The following POMT2 variants were observed in gnomAD, a reference collection of about 807,000 sequenced individuals.
POMT2 encodes the protein protein O-mannosyl-transferase 2.
In POMT2, 75 loss-of-function variants were observed where a neutral mutation model predicts 100.0. The observed-to-expected ratio is 0.75, with a 90% CI of 0.62 to 0.91. The LOEUF (loss-of-function observed/expected upper bound fraction) is 0.91, where lower values mean the gene tolerates loss of function less well. Ranked by LOEUF, POMT2 falls within the 40% of genes least tolerant of loss-of-function variation. POMT2 has a pLI of 0.00. For missense variants in POMT2, 940 were observed against 955.1 expected (o/e 0.98, Z 0.21); for synonymous variants, 378 against 374.1 (o/e 1.01, Z -0.12).
chr14:77,320,570 C>A lies in POMT2; in HGVS notation c.112G>T (p.Val38Leu), dbSNP rs1182576498. 6.4e-7 allele frequency: 1 copy of A among 1,573,388 alleles called. No individual in the cohort carries two copies. The change falls in exon 1 of 21, where the codon GTG becomes TTG. Residue 38 changes from valine (V) to leucine (L), a missense_variant. Transcript: ENST00000261534. ...GCAGGCCGTTTGGGGCTTCGCGCCA[C>A]AGCCTCAGCGGCCACGTCCCGGCCT... ...AAGRDVAAEA[V>L]ARSPKRPAWG...
Position 77,298,764 on chromosome 14 carries a change from C to T in POMT2, c.931G>A (p.Gly311Ser). 1.9e-6 allele frequency: 3 copies of T among 1,612,660 alleles called. No homozygotes were observed. The highest frequency in any genetic ancestry group is 2.5e-6 in the Non-Finnish European group (3 of 1,179,322). Residue 311 changes from glycine to serine, a missense_variant, in exon 8 of 21, where the codon GGT (glycine) becomes AGT (serine). Coordinates refer to ENST00000261534, the MANE Select transcript of POMT2 (RefSeq NM_013382.7). The part of the protein sequence containing the change: ...HFMVLSKSGP[G>S]DGFFSSAFQA... Reference sequence around the variant, plus strand: ...AAGGCAGAACTGAAGAAACCGTCACCAGGGCCACTGTGGGGAGAGGAAGAG... The same window carrying T: ...AAGGCAGAACTGAAGAAACCGTCACTAGGGCCACTGTGGGGAGAGGAAGAG...
Position 77,304,893 on chromosome 14 carries a change from C to T in POMT2, c.439-93G>A, listed in dbSNP as rs113610213. On this transcript the variant is annotated intron_variant, in intron 3 of 20. Transcript: ENST00000261534. Reference sequence around the variant, plus strand: ...ACAACCTAACATTTAAGACAGGGGACCTGATGAAGGCATGACTTTGGTGAC... The same window carrying T: ...ACAACCTAACATTTAAGACAGGGGATCTGATGAAGGCATGACTTTGGTGAC... The T allele has an allele frequency of 1.2e-3, 1,876 of 1,533,802 alleles. 20 individuals are homozygous for T. In the African/African-American group the frequency reaches 0.021, roughly 17 times the overall value.
intron 10 of POMT2, among the ~76,000 whole-genome samples, chr14:77,290,844 T>C: frequency 6.6e-6 from 1 of 152,140 alleles, no homozygotes; most frequent in Admixed American, 6.5e-5. Flanking sequence ...GCCCCTCAGA[T>C]CAACTGACTG....
rs373901015 is a variant in POMT2, at chr14:77,299,405, G to A, written c.923+50C>T. 6.5e-6 allele frequency: 10 copies of A among 1,532,340 alleles called. 1 individual carries two copies. The highest frequency in any genetic ancestry group is 9.0e-6 in the Non-Finnish European group (10 of 1,107,350). 94.9% of individuals were successfully genotyped at this position (1,532,340 alleles called of 1,614,324 possible). On this transcript the variant is annotated intron_variant, in intron 7 of 20. Coordinates refer to ENST00000261534, the MANE Select transcript of POMT2 (RefSeq NM_013382.7). ...ATCATCCGACCCCTCCACAGGCTTAGGAGCAAAAGGAAAACCAGAAGCAAG... is the reference window on the plus strand; with the variant it reads ...ATCATCCGACCCCTCCACAGGCTTAAGAGCAAAAGGAAAACCAGAAGCAAG...
At chr14:77,306,283 G>C in intron 3 of POMT2, 54 bp downstream of exon 3, 1 of 1,604,094 alleles carries the variant, frequency 6.2e-7, no homozygotes, top group Non-Finnish European at 8.5e-7. Context: ...TAACATTTCT[G>C]GTTTAGTGTG....
At position 77,320,731 on chromosome 14, in the gene POMT2, A is replaced by G. The variant is rs775380759; in HGVS notation, c.-50T>C. ...CCGGCCCGGAGGCACACTTTGTCTGACCAGCCGCCCCGCCAAGGAGTCACA... is the reference window on the plus strand; with the variant it reads ...CCGGCCCGGAGGCACACTTTGTCTGGCCAGCCGCCCCGCCAAGGAGTCACA... On this transcript the variant is annotated 5_prime_UTR_variant, in exon 1 of 21. Coordinates refer to ENST00000261534, the MANE Select transcript of POMT2 (RefSeq NM_013382.7). 6.4e-6 allele frequency: 10 copies of G among 1,574,040 alleles called. No individual in the cohort carries two copies. The highest frequency in any genetic ancestry group is 2.3e-5 in the East Asian group (1 of 44,060).
At chr14:77,320,335 C>T in intron 1 of POMT2, 99 bp downstream of exon 1, 1 of 1,533,174 alleles carries the variant, frequency 6.5e-7, no homozygotes, top group Non-Finnish European at 8.7e-7. Context: ...CGTGGCCCTC[C>T]TCCTATAGAT....
intron 2 of POMT2, chr14:77,306,757 C>A (rs1891244446): frequency 2.0e-5 from 7 of 352,962 alleles, no homozygotes; most frequent in South Asian, 1.4e-4. Context: ...TCTGATTCCG[C>A]TTTCCTTCAG....
At chr14:77,288,324 G>A (rs1373199736) in intron 11 of POMT2, among the ~76,000 whole-genome samples, 2 of 152,158 alleles carry the variant, frequency 1.3e-5, no homozygotes, top group African/African-American at 4.8e-5. Context: ...AAGCTAGCTT[G>A]CCATATTCTC....
At chr14:77,299,687 GAGA>G in intron 6 of POMT2, 126 bp from the exon 7 acceptor site, 2 of 741,022 alleles carry the variant, frequency 2.7e-6, no homozygotes, top group Admixed American at 4.1e-5. Flanking sequence ...CAAGAGGAGA[GAGA>G]AGAATATGTG....
intron 2 of POMT2, among the ~76,000 whole-genome samples, 174 bp downstream of exon 2, chr14:77,311,775 C>T (rs549015342): frequency 1.3e-5 from 2 of 152,136 alleles, no homozygotes; most frequent in African/African-American, 2.4e-5. Context: ...CCCAGAGGAC[C>T]CTTAAAAAAC....
chr14:77,314,483 C>A (rs1891556719), intron 1 of POMT2, among the ~76,000 whole-genome samples: 1 of 152,092 alleles, frequency 6.6e-6, no homozygotes, highest in Non-Finnish European at 1.5e-5. Context: ...AATAAGTAGG[C>A]TAAGATAAAA....
At chr14:77,303,580 A>G (rs1384152478) in intron 4 of POMT2, among the ~76,000 whole-genome samples, 3 of 151,990 alleles carry the variant, frequency 2.0e-5, no homozygotes, top group Non-Finnish European at 4.4e-5. Flanking sequence ...ATTTGAACCC[A>G]CAGAGGTCCA....
At chr14:77,316,392 G>C (rs1891627150) in intron 1 of POMT2, among the ~76,000 whole-genome samples, 1 of 152,040 alleles carries the variant, frequency 6.6e-6, no homozygotes, top group Non-Finnish European at 1.5e-5. Flanking sequence ...TGGCAGGATA[G>C]TGAGAACTCA....
intron 1 of POMT2, among the ~76,000 whole-genome samples, chr14:77,316,902 G>A (rs1321165714): frequency 6.6e-6 from 1 of 152,212 alleles, no homozygotes; most frequent in Non-Finnish European, 1.5e-5. Context: ...TGAAAGCTGA[G>A]AAGTGTGGAA....
intron 2 of POMT2, among the ~76,000 whole-genome samples, chr14:77,308,517 G>A (rs1005891611): frequency 3.3e-5 from 5 of 151,864 alleles, no homozygotes; most frequent in South Asian, 2.1e-4. Context: ...CACCACGCCC[G>A]GCTAATTTTT....
At chr14:77,281,341 GTACATCT>G (rs1890228822) in intron 15 of POMT2, among the ~76,000 whole-genome samples, 1 of 151,862 alleles carries the variant, frequency 6.6e-6, no homozygotes, top group African/African-American at 2.4e-5. Context: ...ACTTTATACT[GTACATCT>G]TACTTGTGCT....
intron 2 of POMT2, 162 bp from the exon 3 acceptor site, chr14:77,306,603 G>T: frequency 1.4e-6 from 1 of 716,628 alleles, no homozygotes; most frequent in South Asian, 1.6e-5. Flanking sequence ...CTGCCACAGA[G>T]CAAAGAATCT....
chr14:77,290,986 C>G (rs951544094), intron 10 of POMT2, among the ~76,000 whole-genome samples: 1 of 152,180 alleles, frequency 6.6e-6, no homozygotes, highest in Non-Finnish European at 1.5e-5. Context: ...GTGCCCTCAG[C>G]TGGGGCCACT....
Sources: allele counts gnomAD v4.1 joint callset (sites outside exome capture counted in the v4.1 genomes callset), GRCh38; gene constraint gnomAD v4.1.1; transcripts MANE v1.5; gene names NCBI Gene and HGNC (gene_info 2026-07-23, HGNC 2026-07-21).